The following TAFA1 variants were observed in gnomAD, a reference collection of about 807,000 sequenced individuals.
TAFA1 encodes TAFA chemokine like family member 1.
In TAFA1, 4 loss-of-function variants were observed where a neutral mutation model predicts 18.5. That is an observed-to-expected ratio of 0.22 (90% CI 0.11 to 0.49). The LOEUF (loss-of-function observed/expected upper bound fraction) is 0.49, where lower values mean the gene tolerates loss of function less well. Among genes scored for constraint, TAFA1 ranks in the 20% least tolerant of loss-of-function variants. TAFA1 has a pLI of 0.98. For missense variants in TAFA1, 147 were observed against 169.0 expected, an observed-to-expected ratio of 0.87 and a Z score of 0.72; for synonymous variants, 56 against 55.2, an observed-to-expected ratio of 1.01 and a Z score of -0.06.
chr3:68,303,287 A>G (rs941215195), intron 2 of TAFA1, among the ~76,000 whole-genome samples: 1 of 152,216 alleles, frequency 6.6e-6, no homozygotes, highest in African/African-American at 2.4e-5. Context: ...TATAATAAAG[A>G]TCCTTCCAAA....
chr3:68,270,771 G>A (rs879786144), intron 2 of TAFA1, among the ~76,000 whole-genome samples: 2 of 152,144 alleles, frequency 1.3e-5, no homozygotes, highest in Admixed American at 1.3e-4. Flanking sequence ...CCCACTGGCA[G>A]CTATGAGATG....
chr3:68,382,303 A>C (rs560995703), intron 2 of TAFA1, among the ~76,000 whole-genome samples: 17 of 152,196 alleles, frequency 1.1e-4, no homozygotes, highest in Non-Finnish European at 2.4e-4. Flanking sequence ...AAAATGAGTT[A>C]GGGAGGATTC....
chr3:68,524,756 T>C (rs867047289), intron 3 of TAFA1, among the ~76,000 whole-genome samples: 34 of 151,990 alleles, frequency 2.2e-4, no homozygotes, highest in Middle Eastern at 6.8e-3. Context: ...CTGCAAGCTC[T>C]GCCTCCCGGG....
chr3:68,246,589 CAAAAAAAAAAAAAAAAAAA>C lies in TAFA1; in HGVS notation c.119-170673_119-170655del, dbSNP rs63748968. Among the ~76,000 whole-genome samples the C allele has an allele frequency of 6.1e-4, 34 of 55,358 alleles. No individual in the cohort carries two copies. In the South Asian group the frequency reaches 9.2e-3, roughly 15 times the overall value. The allele number at this position is 55,358 out of a possible 152,430, so 36.3% of individuals were successfully genotyped here. A position where few individuals can be genotyped will look rare whatever the true frequency, so the allele number is the denominator to read the frequency against. On this transcript the variant is annotated intron_variant, in intron 2 of 4. Transcript: ENST00000478136. ...TGGGCGACAGAGCGGGACTCCGTCT[CAAAAAAAAAAAAAAAAAAA>C]AAAAAAAAAAAAAAAAATTGAGAAG... is the stretch of plus-strand genomic sequence containing the variant.
chr3:68,246,571 C>T (rs1253512819), intron 2 of TAFA1, among the ~76,000 whole-genome samples: 1 of 109,154 alleles, frequency 9.2e-6, no homozygotes, highest in African/African-American at 3.7e-5. Flanking sequence ...GCCTGGGCGA[C>T]AGAGCGGGAC....
intron 2 of TAFA1, among the ~76,000 whole-genome samples, chr3:68,390,039 G>A (rs181996719): frequency 1.2e-3 from 180 of 152,260 alleles, no homozygotes; most frequent in Non-Finnish European, 1.6e-3. Context: ...GGTGAAGCAA[G>A]GAAGGTGAGT....
rs369726875 is a variant in TAFA1, at chr3:68,396,613, T to G, written c.119-20667T>G. 1.5e-3 allele frequency among the ~76,000 whole-genome samples: 227 copies of G among 152,318 alleles called. 8 individuals are homozygous for G. In the South Asian group the frequency reaches 0.046, roughly 31 times the overall value. On this transcript the variant is annotated intron_variant, in intron 2 of 4. Coordinates refer to ENST00000478136, the MANE Select transcript of TAFA1 (RefSeq NM_213609.4). ...ACATACCACAATTTAGTTTTGCTAT[T>G]GATAAACATCACAGTTACTTTCAAT...
chr3:68,034,178 G>T (rs1704996908), intron 2 of TAFA1, among the ~76,000 whole-genome samples: 1 of 152,102 alleles, frequency 6.6e-6, no homozygotes, highest in Non-Finnish European at 1.5e-5. Flanking sequence ...ACTTGTGAAA[G>T]AAAAAATGAC....
In TAFA1 at chr3:68,382,437, G is replaced by T. The variant is rs535963039; in HGVS notation, c.119-34843G>T. On this transcript the variant is annotated intron_variant, in intron 2 of 4. Transcript: ENST00000478136. ...TGTCCAGTATCAATCTTCTGCTTAT[G>T]GTTAGCCAGTTATCCCAGCACTATT... 2.4e-4 allele frequency among the ~76,000 whole-genome samples: 36 copies of T among 152,148 alleles called. 2 individuals carry two copies. Among genetic ancestry groups the T allele is most frequent in the African/African-American group, 8.4e-4 (35 of 41,534 alleles).
chr3:68,543,326 A>G (rs9841014), intron 4 of TAFA1, among the ~76,000 whole-genome samples: 38,298 of 152,084 alleles, frequency 0.25, 5,865 homozygotes, highest in South Asian at 0.35. Context: ...GTCACTGGAA[A>G]AGACAAACTA....
At chr3:68,173,175 C>T (rs543034776) in intron 2 of TAFA1, among the ~76,000 whole-genome samples, 1 of 151,964 alleles carries the variant, frequency 6.6e-6, no homozygotes, top group African/African-American at 2.4e-5. Flanking sequence ...CCAATTCCTA[C>T]TCTGAAAAAA....
intron 2 of TAFA1, among the ~76,000 whole-genome samples, chr3:68,160,279 T>C (rs2065910041): frequency 6.6e-6 from 1 of 152,192 alleles, no homozygotes; most frequent in Non-Finnish European, 1.5e-5. Context: ...TGGCCATATA[T>C]TCTTTGTTCT....
chr3:68,215,697 C>T (rs2066649093), intron 2 of TAFA1, among the ~76,000 whole-genome samples: 1 of 151,998 alleles, frequency 6.6e-6, no homozygotes, highest in African/African-American at 2.4e-5. Flanking sequence ...ACAACAGGAC[C>T]TCATTGTTGA....
chr3:68,030,633 A>G (rs1044258660), intron 2 of TAFA1, among the ~76,000 whole-genome samples: 7 of 152,144 alleles, frequency 4.6e-5, no homozygotes, highest in African/African-American at 1.7e-4. Flanking sequence ...CATGGTGTAT[A>G]TGTACCACAT....
At chr3:68,495,870 T>C (rs1460602286) in intron 3 of TAFA1, among the ~76,000 whole-genome samples, 2 of 152,106 alleles carry the variant, frequency 1.3e-5, no homozygotes, top group Non-Finnish European at 2.9e-5. Flanking sequence ...TTCACAGGCT[T>C]AAAAGGAAAA....
chr3:68,167,043 G>T (rs1006310459), intron 2 of TAFA1, among the ~76,000 whole-genome samples: 1 of 152,210 alleles, frequency 6.6e-6, no homozygotes, highest in East Asian at 1.9e-4. Flanking sequence ...GCCTCTTTTC[G>T]TCTTTAGCAC....
At chr3:68,407,949 A>G (rs901701469) in intron 2 of TAFA1, among the ~76,000 whole-genome samples, 2 of 152,184 alleles carry the variant, frequency 1.3e-5, no homozygotes, top group South Asian at 2.1e-4. Flanking sequence ...TCTCTTGTCA[A>G]TGATTTACAG....
chr3:68,471,514 G>T (rs1018113557), intron 3 of TAFA1, among the ~76,000 whole-genome samples: 12 of 152,192 alleles, frequency 7.9e-5, no homozygotes, highest in Non-Finnish European at 1.6e-4. Flanking sequence ...GCCACTTCTT[G>T]TATCAGCATG....
At chr3:68,065,536 C>A (rs2064663032) in intron 2 of TAFA1, among the ~76,000 whole-genome samples, 1 of 152,068 alleles carries the variant, frequency 6.6e-6, no homozygotes, top group Non-Finnish European at 1.5e-5. Context: ...ATGCTTGAAT[C>A]CTATTCACAG....
Sources: gnomAD v4.1 joint callset for allele counts (sites outside exome capture counted in the v4.1 genomes callset) on GRCh38, gnomAD v4.1.1 for gene constraint, MANE v1.5 for transcripts, NCBI Gene and HGNC (gene_info 2026-07-23, HGNC 2026-07-21) for gene names.